The following PPFIBP2 variants were observed in gnomAD, a reference collection of about 807,000 sequenced individuals.
PPFIBP2 encodes the protein PPFIB scaffold protein 2, also known as liprin-beta-2.
In PPFIBP2, 118 loss-of-function variants were observed where a neutral mutation model predicts 118.3. The observed-to-expected ratio is 1.00, with a 90% CI of 0.86 to 1.16. The LOEUF is 1.16. Ranked by LOEUF, PPFIBP2 falls within the 50% of genes most tolerant of loss-of-function variation. The probability of loss-of-function intolerance (pLI) is 0.00; values close to 1 mark genes in which losing one functional copy is unlikely to be tolerated. For missense variants in PPFIBP2, 1,195 were observed against 1,073.1 expected (o/e 1.11, Z -1.59); for synonymous variants, 414 against 397.4 (o/e 1.04, Z -0.50).
At chr11:7,619,940 A>T (rs1038325686) in intron 6 of PPFIBP2, among the ~76,000 whole-genome samples, 7 of 152,214 alleles carry the variant, frequency 4.6e-5, no homozygotes, top group African/African-American at 1.7e-4. Context: ...AAGCCTATGG[A>T]AGTAATTATC....
At chr11:7,545,291 G>A (rs117492246) in intron 1 of PPFIBP2, among the ~76,000 whole-genome samples, 2,405 of 152,242 alleles carry the variant, frequency 0.016, 32 homozygotes, top group Non-Finnish European at 0.026. Context: ...TTAGCTGGGC[G>A]TGGTGGTACA....
At chr11:7,641,759 CTG>C (rs1409496818) in intron 16 of PPFIBP2, 139 bp downstream of exon 16, 1 of 908,180 alleles carries the variant, frequency 1.1e-6, no homozygotes, top group Non-Finnish European at 1.7e-6. Context: ...AGAGAAGAAT[CTG>C]AGATATTTTC....
chr11:7,606,513 A>T (rs1442300657), intron 5 of PPFIBP2, among the ~76,000 whole-genome samples: 1 of 152,250 alleles, frequency 6.6e-6, no homozygotes, highest in East Asian at 1.9e-4. Context: ...GTAGAAGCAC[A>T]TGCTAATAGA....
intron 11 of PPFIBP2, chr11:7,632,429 C>T (rs1209046536): frequency 3.6e-5 from 6 of 166,930 alleles, no homozygotes; most frequent in Non-Finnish European, 6.6e-5. Context: ...TGATGTTTGT[C>T]GGGTGACCAT....
At chr11:7,570,029 C>T (rs146016156) in intron 3 of PPFIBP2, among the ~76,000 whole-genome samples, 1 of 152,178 alleles carries the variant, frequency 6.6e-6, no homozygotes, top group Admixed American at 6.5e-5. Context: ...GCATGTGGTA[C>T]CTGGCCCAGG....
At chr11:7,530,206 C>G (rs1019566782) in intron 1 of PPFIBP2, among the ~76,000 whole-genome samples, 9 of 152,130 alleles carry the variant, frequency 5.9e-5, no homozygotes, top group African/African-American at 1.9e-4. Flanking sequence ...TTTATTCTGT[C>G]CTCTTTCTTA....
At chr11:7,603,623 C>T (rs904295778) in intron 5 of PPFIBP2, among the ~76,000 whole-genome samples, 12 of 152,096 alleles carry the variant, frequency 7.9e-5, no homozygotes, top group African/African-American at 1.7e-4. Flanking sequence ...CAAGATGTGG[C>T]CCTTTAAGGA....
At position 7,597,626 on chromosome 11, in the gene PPFIBP2, G is replaced by C; in HGVS notation, c.439G>C (p.Glu147Gln). Residue 147 changes from glutamate (E) to glutamine (Q), a missense_variant, in exon 5 of 24, where the codon GAA (glutamate) becomes CAA (glutamine). Glu to Gln is a conservative substitution (Grantham distance 29, BLOSUM62 2). Coordinates refer to ENST00000299492, the MANE Select transcript of PPFIBP2 (RefSeq NM_003621.5). ...EKIRDLEVCL[E>Q]GHQVKLNAAE... The stretch of plus-strand genomic sequence containing the variant: ...GATTCGAGACCTGGAAGTGTGTCTG[G>C]AAGGACACCAGGTGAAACTCAATGC... The C allele has an allele frequency of 1.9e-6, 3 of 1,614,064 alleles. No individual in the cohort carries two copies. The highest frequency in any genetic ancestry group is 2.5e-6 in the Non-Finnish European group (3 of 1,180,004).
At chr11:7,658,074 G>A (rs1027632093), downstream of PPFIBP2, among the ~76,000 whole-genome samples, 5 of 152,198 alleles carry the variant, frequency 3.3e-5, no homozygotes, top group African/African-American at 9.6e-5. Context: ...GTACAGACCA[G>A]TTTCAAACAA....
chr11:7,580,199 A>G (rs189817192), intron 3 of PPFIBP2, among the ~76,000 whole-genome samples: 27 of 152,068 alleles, frequency 1.8e-4, no homozygotes, highest in Non-Finnish European at 3.4e-4. Flanking sequence ...TCTAACTCTC[A>G]TCCACTTCAA....
intron 6 of PPFIBP2, among the ~76,000 whole-genome samples, chr11:7,612,040 C>G (rs1277816061): frequency 5.3e-5 from 8 of 152,134 alleles, no homozygotes; most frequent in African/African-American, 1.7e-4. Context: ...AAGTGGCAGA[C>G]ACTCAACTCA....
intron 1 of PPFIBP2, among the ~76,000 whole-genome samples, chr11:7,518,447 C>T (rs7102169): frequency 0.43 from 64,926 of 151,636 alleles, 14,259 homozygotes; most frequent in African/African-American, 0.47. Flanking sequence ...AACACATAAT[C>T]GTGTGGTCTC....
intron 3 of PPFIBP2, among the ~76,000 whole-genome samples, chr11:7,586,058 A>G (rs2135119881): frequency 6.6e-6 from 1 of 152,308 alleles, no homozygotes; most frequent in South Asian, 2.1e-4. Context: ...GGAGAAGTGA[A>G]CTCATCTTTG....
chr11:7,656,858 T>C (rs964090432), downstream of PPFIBP2: 8 of 1,224,240 alleles, frequency 6.5e-6, no homozygotes, highest in Admixed American at 2.3e-5. Context: ...CCTTTGCTTC[T>C]GTGGGGAGCG....
At chr11:7,654,542 G>A (rs182083975), downstream of PPFIBP2, among the ~76,000 whole-genome samples, 209 of 152,370 alleles carry the variant, frequency 1.4e-3, no homozygotes, top group Non-Finnish European at 2.5e-3. Flanking sequence ...AGCAGCCTCA[G>A]GCATGGTCTG....
intron 3 of PPFIBP2, among the ~76,000 whole-genome samples, chr11:7,585,879 C>A (rs1858070263): frequency 6.6e-6 from 1 of 152,162 alleles, no homozygotes; most frequent in Admixed American, 6.5e-5. Flanking sequence ...AATAAAAACC[C>A]AAGTGTTTAT....
chr11:7,601,347 G>A (rs1393240606), intron 5 of PPFIBP2, among the ~76,000 whole-genome samples: 1 of 152,154 alleles, frequency 6.6e-6, no homozygotes, highest in Non-Finnish European at 1.5e-5. Flanking sequence ...ACCAGAGCCA[G>A]CAAAGGGGCA....
At chr11:7,587,599 C>G (rs895370108) in intron 3 of PPFIBP2, among the ~76,000 whole-genome samples, 2 of 152,328 alleles carry the variant, frequency 1.3e-5, no homozygotes, top group African/African-American at 4.8e-5. Flanking sequence ...GAGAATGCCT[C>G]CAGTCTTTTT....
chr11:7,549,574 T>C, intron 2 of PPFIBP2, 35 bp downstream of exon 2: 1 of 1,488,400 alleles, frequency 6.7e-7, no homozygotes, highest in Non-Finnish European at 8.9e-7. Context: ...CAAGGTCTCA[T>C]CCTCCACATT....
Sources: gnomAD v4.1 joint callset for allele counts (sites outside exome capture counted in the v4.1 genomes callset) on GRCh38, gnomAD v4.1.1 for gene constraint, MANE v1.5 for transcripts, NCBI Gene and HGNC (gene_info 2026-07-23, HGNC 2026-07-21) for gene names.